DNMT3B: variants seen among roughly 807,000 people sequenced by gnomAD.
DNMT3B encodes the protein DNA methyltransferase 3 beta, also known as DNA (cytosine-5)-methyltransferase 3B.
DNMT3B carries 37 observed loss-of-function variants against 120.2 expected under a neutral mutation model. That is an observed-to-expected ratio of 0.31 (90% CI 0.24 to 0.40). DNMT3B has a LOEUF of 0.40. Among genes scored for constraint, DNMT3B ranks in the 10% least tolerant of loss-of-function variants. The probability of loss-of-function intolerance (pLI) is 1.00; values close to 1 mark genes in which losing one functional copy is unlikely to be tolerated. For missense variants in DNMT3B, 878 were observed against 1,137.3 expected (o/e 0.77, Z 3.28); for synonymous variants, 412 against 442.8 (o/e 0.93, Z 0.87).
intron 3 of DNMT3B, among the ~76,000 whole-genome samples, chr20:32,782,899 C>A (rs1368158990): frequency 6.6e-6 from 1 of 152,032 alleles, no homozygotes; most frequent in African/African-American, 2.4e-5. Flanking sequence ...TGATTTTATT[C>A]ATGTATTCAT....
chr20:32,807,949 A>C lies in DNMT3B; in HGVS notation c.*46A>C. Reference sequence around the variant, plus strand: ...CACTGGGGTGTGTGGCAGAGCCAGGACCCAGGAGGTGTGATTCCTGAAGGC... The same window carrying C: ...CACTGGGGTGTGTGGCAGAGCCAGGCCCCAGGAGGTGTGATTCCTGAAGGC... On this transcript the variant is annotated 3_prime_UTR_variant, in exon 23 of 23. Transcript: ENST00000328111. The C allele has an allele frequency of 1.2e-6, 2 of 1,613,714 alleles. No homozygotes were observed. The highest frequency in any genetic ancestry group is 1.7e-6 in the Non-Finnish European group (2 of 1,179,768).
At chr20:32,775,326 T>C (rs1477360929) in intron 1 of DNMT3B, among the ~76,000 whole-genome samples, 1 of 152,252 alleles carries the variant, frequency 6.6e-6, no homozygotes, top group Non-Finnish European at 1.5e-5. Flanking sequence ...GTTTAATTAA[T>C]GCAATTAACA....
Position 32,800,227 on chromosome 20 carries a change from G to A in DNMT3B, c.1834G>A (p.Ala612Thr), listed in dbSNP as rs762537914. The change falls in exon 17 of 23, where the codon GCT (alanine) becomes ACT (threonine). Residue 612 changes from alanine (A) to threonine (T), a missense_variant. Ala to Thr is a moderately conservative substitution (Grantham distance 58). Transcript: ENST00000328111. Reference protein sequence around the residue: ...VASEVCEESIAVGTVKHEGNI... With the variant: ...VASEVCEESITVGTVKHEGNI... ...TTCTGAAGTGTGTGAGGAGTCCATT[G>A]CTGTTGGAACCGTGAAGCACGAGGG... is the stretch of plus-strand genomic sequence containing the variant. 1 of 1,614,212 alleles carries A rather than the reference G, an allele frequency of 6.2e-7. No homozygotes were observed. The highest frequency in any genetic ancestry group is 1.7e-5 in the Admixed American group (1 of 60,022).
intron 3 of DNMT3B, among the ~76,000 whole-genome samples, chr20:32,782,474 G>A (rs994818798): frequency 6.6e-6 from 1 of 152,186 alleles, no homozygotes; most frequent in Non-Finnish European, 1.5e-5. Flanking sequence ...AACTAAGACT[G>A]CAGTGAAACC....
intron 20 of DNMT3B, among the ~76,000 whole-genome samples, chr20:32,803,291 C>A (rs1477648965): frequency 1.3e-5 from 2 of 152,210 alleles, no homozygotes; most frequent in Non-Finnish European, 2.9e-5. Flanking sequence ...TGTGACATCC[C>A]AGACTTGCAA....
intron 22 of DNMT3B, 108 bp downstream of exon 22, chr20:32,806,435 G>A: frequency 9.7e-7 from 1 of 1,029,654 alleles, no homozygotes; most frequent in East Asian, 2.4e-5. Flanking sequence ...GCCCTTTGGT[G>A]TTACTGGGGC....
chr20:32,798,755 G>A, intron 15 of DNMT3B, 112 bp downstream of exon 15: 1 of 1,475,738 alleles, frequency 6.8e-7, no homozygotes, highest in Non-Finnish European at 9.2e-7. Flanking sequence ...TGTACCTCTT[G>A]GAGCCTCAAT....
At chr20:32,771,911 C>T (rs1987770719) in intron 1 of DNMT3B, among the ~76,000 whole-genome samples, 1 of 152,098 alleles carries the variant, frequency 6.6e-6, no homozygotes, top group Admixed American at 6.6e-5. Flanking sequence ...GTTACATGGG[C>T]TTAAGGTAGT....
intron 1 of DNMT3B, among the ~76,000 whole-genome samples, chr20:32,773,938 T>TTTTG (rs1987904864): frequency 1.4e-5 from 2 of 140,880 alleles, no homozygotes; most frequent in Admixed American, 7.1e-5. Flanking sequence ...GCAGTGGTTT[T>TTTTG]TTTTTTTTTT....
At chr20:32,771,553 G>C (rs1363052524) in intron 1 of DNMT3B, among the ~76,000 whole-genome samples, 1 of 147,536 alleles carries the variant, frequency 6.8e-6, no homozygotes. Context: ...AGAATCACTT[G>C]AACCCAGGAG....
intron 8 of DNMT3B, among the ~76,000 whole-genome samples, 184 bp from the exon 9 acceptor site, chr20:32,792,442 C>T (rs1205065225): frequency 2.3e-4 from 35 of 152,192 alleles, no homozygotes; most frequent in Admixed American, 2.0e-3. Flanking sequence ...ACCCCCCTTC[C>T]GAGGCCTCTC....
intron 15 of DNMT3B, 73 bp from the exon 16 acceptor site, chr20:32,799,171 G>T (rs974399992): frequency 5.2e-6 from 8 of 1,527,532 alleles, no homozygotes; most frequent in Non-Finnish European, 6.2e-6. Flanking sequence ...AGCAGGGTCA[G>T]CCTGCCCCTC....
At chr20:32,789,044 G>C (rs1442239548) in intron 7 of DNMT3B, 32 bp downstream of exon 7, 5 of 1,610,984 alleles carry the variant, frequency 3.1e-6, no homozygotes, top group Admixed American at 3.3e-5. Flanking sequence ...GGGTTCTGCA[G>C]GCCTGAGGCT....
intron 19 of DNMT3B, 94 bp from the exon 20 acceptor site, chr20:32,802,291 A>G (rs563509926): frequency 1.5e-6 from 2 of 1,333,744 alleles, no homozygotes; most frequent in South Asian, 1.2e-5. Flanking sequence ...TGCCTCATCC[A>G]TAGTCAGGGA....
Position 32,808,053 on chromosome 20 carries a change from C to T in DNMT3B, c.*150C>T. 7.4e-7 allele frequency: 1 copy of T among 1,347,738 alleles called. No homozygotes were observed. The highest frequency in any genetic ancestry group is 1.0e-6 in the Non-Finnish European group (1 of 977,666). The allele number at this position is 1,347,738 out of a possible 1,614,324, so 83.5% of individuals were successfully genotyped here. A position where few individuals can be genotyped will look rare whatever the true frequency, so the allele number is the denominator to read the frequency against. ...TCCCTCTTGCTCAGTGGGGGCAGAGCCACCTGACTCTTGCAGGGGTAGCCT... is the reference window on the plus strand; with the variant it reads ...TCCCTCTTGCTCAGTGGGGGCAGAGTCACCTGACTCTTGCAGGGGTAGCCT... On this transcript the variant is annotated 3_prime_UTR_variant, in exon 23 of 23. Coordinates refer to ENST00000328111, the MANE Select transcript of DNMT3B (RefSeq NM_006892.4).
intron 18 of DNMT3B, 35 bp from the exon 19 acceptor site, chr20:32,801,243 A>G (rs759397140): frequency 1.9e-6 from 3 of 1,614,062 alleles, no homozygotes; most frequent in South Asian, 1.1e-5. Context: ...GGAGGTTTCA[A>G]ATGAACCCTG....
chr20:32,791,061 G>A (rs187233520), intron 7 of DNMT3B, among the ~76,000 whole-genome samples: 117 of 152,336 alleles, frequency 7.7e-4, no homozygotes, highest in African/African-American at 2.5e-3. Context: ...CAGGAGACTT[G>A]TGGAATATGG....
At chr20:32,791,941 C>T (rs1262664627) in intron 8 of DNMT3B, among the ~76,000 whole-genome samples, 1 of 152,214 alleles carries the variant, frequency 6.6e-6, no homozygotes, top group Non-Finnish European at 1.5e-5. Context: ...AAGGAAAGAG[C>T]ACGGGCAGTT....
At chr20:32,772,641 A>T (rs914086538) in intron 1 of DNMT3B, among the ~76,000 whole-genome samples, 15 of 152,146 alleles carry the variant, frequency 9.9e-5, no homozygotes, top group Non-Finnish European at 1.8e-4. Flanking sequence ...AAGTGGATAT[A>T]GGGGAAGGGG....
Sources: allele counts gnomAD v4.1 joint callset (sites outside exome capture counted in the v4.1 genomes callset), GRCh38; gene constraint gnomAD v4.1.1; transcripts MANE v1.5; gene names NCBI Gene and HGNC (gene_info 2026-07-23, HGNC 2026-07-21).